Variants in WWOX observed in about 807,000 individuals in gnomAD.
WWOX encodes WW domain containing oxidoreductase, also known as WW domain-containing oxidoreductase.
Under a neutral mutation model 46.2 loss-of-function variants are expected in WWOX, and 69 were observed. The ratio of observed to expected loss-of-function variants is 1.49; its 90% CI spans 1.23 to 1.82. The LOEUF is 1.82. WWOX is among the 40% of genes most tolerant of loss of function. The pLI, the probability that WWOX is intolerant of heterozygous loss-of-function variation, is 0.00. For synonymous variants in WWOX, 359 were observed against 202.6 expected, an observed-to-expected ratio of 1.77 and a Z score of -6.56; for missense variants, 919 against 542.6, an observed-to-expected ratio of 1.69 and a Z score of -6.89.
rs532064661 is a variant in WWOX, at chr16:78,666,298, A to C, written c.1056+233546A>C. Reference sequence around the variant, plus strand: ...AGCAAGACACTGTCTCTTTAAAAATAAATAAATAAATTAAAAAGACACTGA... The same window carrying C: ...AGCAAGACACTGTCTCTTTAAAAATCAATAAATAAATTAAAAAGACACTGA... On this transcript the variant is annotated intron_variant, in intron 8 of 8. Coordinates refer to ENST00000566780, the MANE Select transcript of WWOX (RefSeq NM_016373.4). Among the ~76,000 whole-genome samples, 14 of 152,122 alleles carry C rather than the reference A, an allele frequency of 9.2e-5. No homozygotes were observed. In the East Asian group the frequency reaches 2.7e-3, roughly 30 times the overall value.
At chr16:78,252,890 C>T (rs577358527) in intron 5 of WWOX, among the ~76,000 whole-genome samples, 32 of 152,270 alleles carry the variant, frequency 2.1e-4, no homozygotes, top group African/African-American at 7.7e-4. Flanking sequence ...GAGTAAAGGT[C>T]GGTTTAGAAC....
chr16:78,762,042 C>A (rs1442976497), intron 8 of WWOX, among the ~76,000 whole-genome samples: 1 of 152,182 alleles, frequency 6.6e-6, no homozygotes, highest in East Asian at 1.9e-4. Context: ...AAATATTACT[C>A]CTATTTGGTG....
At chr16:78,645,900 G>A (rs1200408877) in intron 8 of WWOX, among the ~76,000 whole-genome samples, 6 of 152,164 alleles carry the variant, frequency 3.9e-5, no homozygotes, top group Admixed American at 1.3e-4. Flanking sequence ...GAGGCCACCT[G>A]TGTTCCTTGG....
intron 6 of WWOX, among the ~76,000 whole-genome samples, chr16:78,393,839 T>C (rs2082229386): frequency 6.6e-6 from 1 of 151,168 alleles, no homozygotes; most frequent in Non-Finnish European, 1.5e-5. Flanking sequence ...AGAACAGTGG[T>C]GTTTTTTTAA....
At chr16:78,756,825 A>C (rs951706131) in intron 8 of WWOX, 1 of 623,128 alleles carries the variant, frequency 1.6e-6, no homozygotes, top group East Asian at 2.7e-5. Flanking sequence ...GACACCTAAT[A>C]CTACTGACCT....
intron 6 of WWOX, among the ~76,000 whole-genome samples, chr16:78,410,042 A>G (rs140411582): frequency 0.02 from 2,992 of 152,250 alleles, 52 homozygotes; most frequent in Middle Eastern, 0.044. Context: ...ATGGGGGTGG[A>G]ACCCTCATGC....
rs149623317 is a variant in WWOX, at chr16:78,497,937, T to C, written c.1056+65185T>C. Among the ~76,000 whole-genome samples, 1,023 of 151,904 alleles carry C rather than the reference T, an allele frequency of 6.7e-3. 3 individuals carry two copies. The highest frequency in any genetic ancestry group is 0.016 in the African/African-American group (670 of 41,506). On this transcript the variant is annotated intron_variant, in intron 8 of 8. Transcript: ENST00000566780. ...GCATCAGGGGGCTGGGAGCAGTAGC[T>C]CACGCCTGTAATGACAGCACTTTGG...
intron 8 of WWOX, among the ~76,000 whole-genome samples, chr16:79,166,603 G>A (rs1479231102): frequency 1.3e-5 from 2 of 152,038 alleles, no homozygotes; most frequent in Admixed American, 6.6e-5. Context: ...CTTATTTTTC[G>A]AGTTGTGCTG....
At chr16:79,193,801 G>T (rs1040558669) in intron 8 of WWOX, among the ~76,000 whole-genome samples, 4 of 152,118 alleles carry the variant, frequency 2.6e-5, no homozygotes, top group African/African-American at 4.8e-5. Context: ...GGCAGCTGGG[G>T]AGAAGCTGAA....
At chr16:78,767,022 T>C (rs2049938828) in intron 8 of WWOX, among the ~76,000 whole-genome samples, 1 of 152,146 alleles carries the variant, frequency 6.6e-6, no homozygotes. Context: ...ATCCATATTG[T>C]AGCATATATC....
At chr16:78,392,100 G>C (rs1167207207) in intron 6 of WWOX, among the ~76,000 whole-genome samples, 1 of 151,636 alleles carries the variant, frequency 6.6e-6, no homozygotes, top group Admixed American at 6.6e-5. Flanking sequence ...CAAACCAATA[G>C]CGGAGCCGTG....
At chr16:79,055,613 G>T (rs987938191) in intron 8 of WWOX, among the ~76,000 whole-genome samples, 1 of 152,146 alleles carries the variant, frequency 6.6e-6, no homozygotes, top group Non-Finnish European at 1.5e-5. Flanking sequence ...AGATTCATGG[G>T]CAGAATAAAC....
At chr16:78,579,749 T>G (rs775916547) in intron 8 of WWOX, among the ~76,000 whole-genome samples, 1 of 152,190 alleles carries the variant, frequency 6.6e-6, no homozygotes, top group Non-Finnish European at 1.5e-5. Flanking sequence ...AAATATCATC[T>G]GCCTTGCTAG....
chr16:78,773,946 G>A (rs16944118), intron 8 of WWOX, among the ~76,000 whole-genome samples: 21,050 of 152,216 alleles, frequency 0.14, 1,631 homozygotes, highest in East Asian at 0.24. Flanking sequence ...CATGGAATTT[G>A]AAAACATGAC....
chr16:78,751,958 G>A (rs1049476621), intron 8 of WWOX, among the ~76,000 whole-genome samples: 5 of 152,140 alleles, frequency 3.3e-5, no homozygotes, highest in Non-Finnish European at 7.3e-5. Context: ...CCTCCACGTG[G>A]AAGTGGGCTG....
At chr16:79,077,209 C>A (rs1163493037) in intron 8 of WWOX, among the ~76,000 whole-genome samples, 2 of 152,080 alleles carry the variant, frequency 1.3e-5, no homozygotes, top group African/African-American at 4.8e-5. Context: ...AGCTTAAAAC[C>A]CATTAGTTTC....
At chr16:78,277,956 T>TA (rs2079609885) in intron 5 of WWOX, among the ~76,000 whole-genome samples, 1 of 152,166 alleles carries the variant, frequency 6.6e-6, no homozygotes, top group South Asian at 2.1e-4. Flanking sequence ...ACCATGGGGT[T>TA]AAAAAAAGTG....
chr16:79,116,793 A>G (rs190912491), intron 8 of WWOX, among the ~76,000 whole-genome samples: 4 of 152,060 alleles, frequency 2.6e-5, no homozygotes, highest in African/African-American at 9.6e-5. Context: ...AATGGCATCT[A>G]GAATGCTGAA....
intron 8 of WWOX, among the ~76,000 whole-genome samples, chr16:79,187,122 A>C (rs918852492): frequency 6.6e-6 from 1 of 152,282 alleles, no homozygotes; most frequent in African/African-American, 2.4e-5. Context: ...ACTGAGCCGA[A>C]CCCCCTGGGT....
Sources: allele counts gnomAD v4.1 joint callset (sites outside exome capture counted in the v4.1 genomes callset), GRCh38; gene constraint gnomAD v4.1.1; transcripts MANE v1.5; gene names NCBI Gene and HGNC (gene_info 2026-07-23, HGNC 2026-07-21).